The following DNAAF5 variants were observed in gnomAD, a reference collection of about 807,000 sequenced individuals.
The protein encoded by DNAAF5 is HEAT repeat containing 2.
Under a neutral mutation model 75.8 loss-of-function variants are expected in DNAAF5, and 64 were observed. The ratio of observed to expected loss-of-function variants is 0.84; its 90% CI spans 0.69 to 1.04. DNAAF5 has a LOEUF of 1.04. DNAAF5 is among the 50% of genes least tolerant of loss of function. The pLI, the probability that DNAAF5 is intolerant of heterozygous loss-of-function variation, is 0.00. For synonymous variants in DNAAF5, 657 were observed against 557.2 expected (o/e 1.18, Z -2.52); for missense variants, 1,269 against 1,178.5 (o/e 1.08, Z -1.12).
intron 6 of DNAAF5, among the ~76,000 whole-genome samples, chr7:759,872 C>A (rs74963417): frequency 6.6e-6 from 1 of 152,112 alleles, no homozygotes; most frequent in South Asian, 2.1e-4. Flanking sequence ...AAAAGATGAT[C>A]GCTCCTGAAA....
chr7:754,708 C>G lies in DNAAF5; in HGVS notation c.1144C>G (p.Leu382Val). 6.2e-7 allele frequency: 1 copy of G among 1,613,962 alleles called. No homozygotes were observed. Among genetic ancestry groups the G allele is most frequent in the Non-Finnish European group, 8.5e-7 (1 of 1,180,020 alleles). The change falls in exon 5 of 13, where the codon CTG becomes GTG. Residue 382 changes from leucine to valine, a missense_variant. Physicochemically the swap from Leu to Val is conservative, Grantham distance 32. Transcript: ENST00000297440. This position sits in a 1 kb window ranked among gnomAD's most constrained non-coding sequence, Gnocchi z 4.8. ...GGGGACCCGAGTGAAGTCGGCACAG[C>G]TGCTCCCAGTGCTGCTGCTGCATGC... ...VVGTRVKSAQ[L>V]LPVLLLHAED...
intron 8 of DNAAF5, chr7:768,601 C>T (rs1448839095): frequency 2.0e-5 from 3 of 152,268 alleles, no homozygotes; most frequent in Non-Finnish European, 4.3e-5. Flanking sequence ...GCGGAAGTGT[C>T]CACGCCTACC....
intron 9 of DNAAF5, among the ~76,000 whole-genome samples, chr7:773,556 C>T (rs1347460248): frequency 1.3e-5 from 2 of 152,160 alleles, no homozygotes; most frequent in Non-Finnish European, 2.9e-5. Flanking sequence ...GCCTGTGGCC[C>T]TCCCATCCCG....
chr7:780,888 A>T (rs1273314806), intron 12 of DNAAF5, among the ~76,000 whole-genome samples: 1 of 144,474 alleles, frequency 6.9e-6, no homozygotes. Context: ...CTTTTTTTTA[A>T]TAAAATTTGT....
At chr7:783,039 C>T (rs1292579711) in intron 12 of DNAAF5, among the ~76,000 whole-genome samples, 1 of 152,234 alleles carries the variant, frequency 6.6e-6, no homozygotes, top group Non-Finnish European at 1.5e-5. Flanking sequence ...GGTGGCAGGG[C>T]CAAGCTTTGG....
In DNAAF5 at chr7:727,244, T is replaced by A; in HGVS notation, c.524T>A (p.Leu175Gln). The A allele has an allele frequency of 1.5e-6, 2 of 1,349,536 alleles. No individual in the cohort carries two copies. The allele number at this position is 1,349,536 out of a possible 1,614,324, so 83.6% of individuals were successfully genotyped here. ...DDALRALRCS[L>Q]LDPFAAVRRE... ...GCTCTGCGCGCGCTGCGCTGCTCCC[T>A]GCTCGACCCCTTCGCCGCCGTGCGC... The change falls in exon 1 of 13, where the codon CTG (leucine) becomes CAG (glutamine). Residue 175 changes from leucine to glutamine, a missense_variant. Leu to Gln is a moderately radical substitution (Grantham distance 113, BLOSUM62 -2). Transcript: ENST00000297440.
chr7:732,898 G>T (rs1351188700), intron 2 of DNAAF5, among the ~76,000 whole-genome samples: 4 of 152,128 alleles, frequency 2.6e-5, no homozygotes, highest in Non-Finnish European at 4.4e-5. Flanking sequence ...TCTTTTAGTG[G>T]TTTCATAGTT....
chr7:735,482 T>A (rs1416119883), intron 2 of DNAAF5, among the ~76,000 whole-genome samples: 1 of 151,394 alleles, frequency 6.6e-6, no homozygotes, highest in Non-Finnish European at 1.5e-5. Flanking sequence ...TAGCTGCTCA[T>A]GGTGTCGTTG....
intron 3 of DNAAF5, 78 bp from the exon 4 acceptor site, chr7:741,269 C>T: frequency 9.3e-7 from 1 of 1,079,754 alleles, no homozygotes; most frequent in Admixed American, 2.1e-5. Flanking sequence ...CTTTGGGTGA[C>T]CCGTGTCCTG....
intron 5 of DNAAF5, among the ~76,000 whole-genome samples, chr7:755,221 C>T (rs1490584260): frequency 6.6e-6 from 1 of 152,160 alleles, no homozygotes; most frequent in Non-Finnish European, 1.5e-5. Context: ...TGTGGGAGCA[C>T]CCAGACGGGG....
At chr7:780,240 T>C (rs1217249622) in intron 12 of DNAAF5, 96 bp downstream of exon 12, 1 of 1,194,504 alleles carries the variant, frequency 8.4e-7, no homozygotes, top group Non-Finnish European at 1.2e-6. Flanking sequence ...CACAGGGCCC[T>C]GGGGCACAGG....
intron 12 of DNAAF5, 22 bp downstream of exon 12, chr7:780,166 C>G: frequency 6.2e-7 from 1 of 1,607,456 alleles, no homozygotes; most frequent in Non-Finnish European, 8.5e-7. Flanking sequence ...ACGGCTTGGC[C>G]TTCGTTCCGA....
At chr7:776,884 G>A (rs969239674) in intron 11 of DNAAF5, among the ~76,000 whole-genome samples, 12 of 152,180 alleles carry the variant, frequency 7.9e-5, no homozygotes, top group South Asian at 2.1e-4. Context: ...CTGTGTTTAC[G>A]GCTGCTCCCC....
rs775484155 is a variant in DNAAF5 at position 754,680 on chromosome 7, G to A, written c.1116G>A (p.Val372=). 3.1e-6 allele frequency: 5 copies of A among 1,613,980 alleles called. No individual in the cohort carries two copies. Among genetic ancestry groups the A allele is most frequent in the Non-Finnish European group, 4.2e-6 (5 of 1,180,034 alleles). ...PALCHDITDW[V]VGTRVKSAQL... is the part of the protein sequence containing the mutation. ...TGTGCCACGACATCACCGACTGGGT[G>A]GTGGGGACCCGAGTGAAGTCGGCAC... The change falls in exon 5 of 13, where the codon GTG becomes GTA. Residue 372 remains valine (V), a synonymous_variant. Coordinates refer to ENST00000297440, the MANE Select transcript of DNAAF5 (RefSeq NM_017802.4). This position sits in a 1 kb window ranked among gnomAD's most constrained non-coding sequence, Gnocchi z 4.8.
intron 10 of DNAAF5, among the ~76,000 whole-genome samples, chr7:774,507 G>A (rs1306468566): frequency 6.6e-6 from 1 of 152,164 alleles, no homozygotes; most frequent in Non-Finnish European, 1.5e-5. Flanking sequence ...CTGGCTGCAA[G>A]ACCAGGAGTC....
intron 4 of DNAAF5, among the ~76,000 whole-genome samples, chr7:751,659 C>T (rs1439270647): frequency 6.6e-6 from 1 of 151,362 alleles, no homozygotes; most frequent in African/African-American, 2.4e-5. Context: ...CTGCAACCCC[C>T]ACCTCCTGGG....
chr7:780,538 C>T (rs1778901576), intron 12 of DNAAF5, among the ~76,000 whole-genome samples: 2 of 152,362 alleles, frequency 1.3e-5, no homozygotes, highest in South Asian at 2.1e-4. Flanking sequence ...TTCACATCTT[C>T]CATACAGTCA....
In DNAAF5 at chr7:750,617, G is replaced by T. The variant is rs563015475; in HGVS notation, c.1025-3972G>T. Among the ~76,000 whole-genome samples, 5 of 152,284 alleles carry T rather than the reference G, an allele frequency of 3.3e-5. No individual in the cohort carries two copies. The South Asian group carries it at 1.0e-3, about 32-fold the overall frequency. ...GAGAATCTCATGCCGCCACTGATCTGACAGGAGGTGGAGCTCAGGCGGTCA... is the reference window on the plus strand; with the variant it reads ...GAGAATCTCATGCCGCCACTGATCTTACAGGAGGTGGAGCTCAGGCGGTCA... On this transcript the variant is annotated intron_variant, in intron 4 of 12. Transcript: ENST00000297440.
At chr7:749,138 G>C (rs1047168033) in intron 4 of DNAAF5, among the ~76,000 whole-genome samples, 1 of 152,096 alleles carries the variant, frequency 6.6e-6, no homozygotes, top group African/African-American at 2.4e-5. Context: ...GGTTGGGAGG[G>C]CACCACTTAC....
Sources: allele counts gnomAD v4.1 joint callset (sites outside exome capture counted in the v4.1 genomes callset), GRCh38; gene constraint gnomAD v4.1.1; non-coding constraint Gnocchi (gnomAD v3.1); transcripts MANE v1.5; gene names NCBI Gene and HGNC (gene_info 2026-07-23, HGNC 2026-07-21).